SLC44A5: variants seen among roughly 807,000 people sequenced by gnomAD.
SLC44A5 encodes solute carrier family 44 member 5, also known as choline transporter-like protein 5.
A neutral mutation model predicts 101.8 loss-of-function variants in SLC44A5; 57 were observed. The ratio of observed to expected loss-of-function variants is 0.56; its 90% confidence interval spans 0.45 to 0.70. The LOEUF is 0.70. Among genes scored for constraint, SLC44A5 ranks in the 30% least tolerant of loss-of-function variants. The pLI, the probability that SLC44A5 is intolerant of heterozygous loss-of-function variation, is 0.00. For missense variants in SLC44A5, 737 were observed against 853.1 expected (o/e 0.86, Z 1.70); for synonymous variants, 281 against 290.9 (o/e 0.97, Z 0.35).
At chr1:75,629,806 G>C in the SLC44A5 span, among the ~76,000 whole-genome samples, 64 of 152,204 alleles carry the variant, frequency 4.2e-4, no homozygotes, top group Non-Finnish European at 8.5e-4. Context: ...TGATATAAAA[G>C]TTAATGAGAA....
chr1:75,536,777 C>T (rs1352459626), intron 2 of SLC44A5, among the ~76,000 whole-genome samples: 4 of 146,672 alleles, frequency 2.7e-5, no homozygotes, highest in East Asian at 4.0e-4. Context: ...GAGGCCGAGG[C>T]GGGCGGATCA....
chr1:75,286,997 G>A (rs188567040), intron 5 of SLC44A5, among the ~76,000 whole-genome samples: 7 of 152,148 alleles, frequency 4.6e-5, no homozygotes, highest in African/African-American at 1.7e-4. Context: ...CTCTAGCAAG[G>A]GCAGGGAAGT....
chr1:75,596,210 A>ACC (rs1674625843), intron 1 of SLC44A5, among the ~76,000 whole-genome samples: 1 of 151,942 alleles, frequency 6.6e-6, no homozygotes, highest in South Asian at 2.1e-4. Context: ...ATGCACACAC[A>ACC]CACACACACA....
intron 14 of SLC44A5, among the ~76,000 whole-genome samples, chr1:75,220,853 T>C (rs1213178257): frequency 6.6e-6 from 1 of 152,186 alleles, no homozygotes; most frequent in African/African-American, 2.4e-5. Flanking sequence ...GTGTTTTCTC[T>C]TTTCTCCATA....
chr1:75,626,621 C>T, the SLC44A5 span, among the ~76,000 whole-genome samples: 1 of 152,222 alleles, frequency 6.6e-6, no homozygotes, highest in South Asian at 2.1e-4. Flanking sequence ...TCTCAGCCTG[C>T]CTTTTCTAGC....
intron 14 of SLC44A5, among the ~76,000 whole-genome samples, chr1:75,220,138 A>G (rs1647048172): frequency 6.6e-6 from 1 of 151,974 alleles, no homozygotes. Flanking sequence ...TTTGGTTACT[A>G]CTGTCTGATT....
chr1:75,331,549 G>A (rs1347548034), intron 4 of SLC44A5, among the ~76,000 whole-genome samples: 2 of 152,092 alleles, frequency 1.3e-5, no homozygotes, highest in African/African-American at 4.8e-5. Context: ...AGCTTCCTGT[G>A]AATCTCCTTG....
At chr1:75,449,716 A>G (rs1178753999) in intron 2 of SLC44A5, among the ~76,000 whole-genome samples, 2 of 152,112 alleles carry the variant, frequency 1.3e-5, no homozygotes, top group Non-Finnish European at 2.9e-5. Context: ...TGCCTCAGCC[A>G]CTTGAAAATA....
intron 2 of SLC44A5, among the ~76,000 whole-genome samples, chr1:75,539,690 A>T (rs1016562380): frequency 2.6e-5 from 4 of 152,216 alleles, no homozygotes; most frequent in Admixed American, 6.5e-5. Flanking sequence ...CTGACTCATA[A>T]ATGCTACGGA....
chr1:75,568,041 T>A (rs1356627396), intron 1 of SLC44A5, among the ~76,000 whole-genome samples: 1 of 152,180 alleles, frequency 6.6e-6, no homozygotes, highest in Non-Finnish European at 1.5e-5. Context: ...AATGCTAACT[T>A]ATGTATTGGT....
At chr1:75,680,232 G>T in the SLC44A5 span, among the ~76,000 whole-genome samples, 1 of 151,624 alleles carries the variant, frequency 6.6e-6, no homozygotes, top group African/African-American at 2.4e-5. Flanking sequence ...GGATACCCAG[G>T]AATTGAACTC....
chr1:75,231,204 G>C (rs1647532595), intron 12 of SLC44A5, among the ~76,000 whole-genome samples: 1 of 152,218 alleles, frequency 6.6e-6, no homozygotes, highest in East Asian at 1.9e-4. Context: ...ATGATCCCCT[G>C]TTCTGCTGCC....
At chr1:75,690,704 A>G in the SLC44A5 span, among the ~76,000 whole-genome samples, 1 of 152,152 alleles carries the variant, frequency 6.6e-6, no homozygotes, top group African/African-American at 2.4e-5. Flanking sequence ...AACATACTAA[A>G]TCACACATCC....
chr1:75,717,716 T>G, the SLC44A5 span, among the ~76,000 whole-genome samples: 8 of 152,316 alleles, frequency 5.3e-5, no homozygotes, highest in Non-Finnish European at 1.2e-4. Flanking sequence ...GTGGGAATCT[T>G]CAAATGGTTA....
chr1:75,434,780 T>A (rs1232158430), intron 2 of SLC44A5, among the ~76,000 whole-genome samples: 1 of 152,166 alleles, frequency 6.6e-6, no homozygotes, highest in East Asian at 1.9e-4. Flanking sequence ...TTGGTGTGCC[T>A]GTTTTGCATC....
At chr1:75,340,446 G>T (rs11163172) in intron 3 of SLC44A5, among the ~76,000 whole-genome samples, 6 of 152,112 alleles carry the variant, frequency 3.9e-5, no homozygotes, top group Non-Finnish European at 8.8e-5. Flanking sequence ...CTATAAAAAG[G>T]TCTGGTCCTG....
In SLC44A5 at chr1:75,214,612, C is replaced by T. The variant is rs1646924907; in HGVS notation, c.1795G>A (p.Val599Ile). Residue 599 changes from valine (V) to isoleucine (I), a missense_variant, in exon 20 of 24, where the codon GTT becomes ATT. Val to Ile is a conservative substitution (Grantham distance 29). Coordinates refer to ENST00000370859, the MANE Select transcript of SLC44A5 (RefSeq NM_001130058.2). The stretch of plus-strand genomic sequence containing the variant: ...TGCAGCCTGATTACTTACTTCAAAA[C>T]ATTTCTCATCAGCAGATTGAAAGCA... ...KDAFNLLMRN[V>I]LKVAVTDEVT... is the part of the protein sequence containing the mutation. 1 of 1,611,260 alleles carries T rather than the reference C, an allele frequency of 6.2e-7. No homozygotes were observed. The highest frequency in any genetic ancestry group is 1.3e-5 in the African/African-American group (1 of 74,846).
At chr1:75,292,537 C>T (rs571400537) in intron 5 of SLC44A5, among the ~76,000 whole-genome samples, 7 of 152,232 alleles carry the variant, frequency 4.6e-5, no homozygotes, top group Non-Finnish European at 1.0e-4. Flanking sequence ...ATAAAGAATA[C>T]ACTCCCCTTT....
chr1:75,560,867 G>A (rs1180492248), intron 1 of SLC44A5, among the ~76,000 whole-genome samples: 1 of 152,028 alleles, frequency 6.6e-6, no homozygotes, highest in Admixed American at 6.6e-5. Context: ...ACCTTTTAAA[G>A]GTATGTTTTC....
Sources: gnomAD v4.1 joint callset for allele counts (sites outside exome capture counted in the v4.1 genomes callset) on GRCh38, gnomAD v4.1.1 for gene constraint, MANE v1.5 for transcripts, NCBI Gene and HGNC (gene_info 2026-07-23, HGNC 2026-07-21) for gene names.